Variants in ZNF724 observed in about 807,000 individuals in gnomAD.
ZNF724 encodes zinc finger protein 724 pseudogene.
Under a neutral mutation model 29.3 loss-of-function variants are expected in ZNF724, and 14 were observed. The observed-to-expected ratio is 0.48, with a 90% confidence interval of 0.32 to 0.75. The LOEUF is 0.75. Ranked by LOEUF, ZNF724 falls within the 30% of genes least tolerant of loss-of-function variation. The pLI, the probability that ZNF724 is intolerant of heterozygous loss-of-function variation, is 0.04. For missense variants in ZNF724, 557 were observed against 571.2 expected (o/e 0.98, Z 0.25); for synonymous variants, 180 against 193.6 (o/e 0.93, Z 0.58).
At chr19:23,250,205 CCTCT>C (rs1263864717) in intron 1 of ZNF724, 31 bp downstream of exon 1, 21 of 600,324 alleles carry the variant, frequency 3.5e-5, no homozygotes, top group Non-Finnish European at 6.0e-5. Context: ...CCAGCCCCTC[CCTCT>C]CTCTCCGGAT....
chr19:23,240,473 C>T (rs1008130115), intron 1 of ZNF724, among the ~76,000 whole-genome samples: 5 of 151,972 alleles, frequency 3.3e-5, no homozygotes, highest in Non-Finnish European at 7.4e-5. Context: ...TTATTCTGGA[C>T]TGAGCTTGTG....
At chr19:23,233,930 C>T (rs1380495221) in intron 1 of ZNF724, among the ~76,000 whole-genome samples, 1 of 152,174 alleles carries the variant, frequency 6.6e-6, no homozygotes, top group Non-Finnish European at 1.5e-5. Context: ...ACCACACCCA[C>T]AGGCAGAAGG....
chr19:23,250,394 C>A lies in ZNF724; in HGVS notation c.-152G>T. On this transcript the variant is annotated 5_prime_UTR_variant, in exon 1 of 4. Coordinates refer to ENST00000418100, the MANE Select transcript of ZNF724 (RefSeq NM_001355404.2). ...CTCCAGCTGCAGCGAGAGACAAAGG[C>A]CCCGCCAAATCCCGGAAGCCGCCCT... 4.5e-6 allele frequency: 2 copies of A among 441,708 alleles called. No individual in the cohort carries two copies. The highest frequency in any genetic ancestry group is 3.5e-5 in the South Asian group (2 of 57,062). The allele number at this position is 441,708 out of a possible 1,614,324, so 27.4% of individuals were successfully genotyped here.
intron 1 of ZNF724, among the ~76,000 whole-genome samples, chr19:23,243,100 G>T (rs1972163694): frequency 6.7e-6 from 1 of 150,248 alleles, no homozygotes; most frequent in African/African-American, 2.4e-5. Flanking sequence ...AAATATCATG[G>T]AATACTGTAT....
chr19:23,247,404 TAA>T (rs1708633023), intron 1 of ZNF724, among the ~76,000 whole-genome samples: 1 of 151,802 alleles, frequency 6.6e-6, no homozygotes, highest in Admixed American at 6.6e-5. Flanking sequence ...ATTTACAGTT[TAA>T]AAGAGTCAAT....
chr19:23,224,000 G>A lies in ZNF724; in HGVS notation c.245C>T (p.Ala82Val), dbSNP rs192538905. ...AKPPGMCCYF[A>V]QDLRPEQSIK... ...GCTCTGCTCTGGCCGAAGGTCTTGG[G>A]CAAAATAACAACACATACCTGAAAG... Residue 82 changes from alanine to valine, a missense_variant, in exon 4 of 4, where the codon GCC becomes GTC. Ala to Val is a moderately conservative substitution (Grantham distance 64, BLOSUM62 0). Transcript: ENST00000418100. The A allele has an allele frequency of 7.7e-5, 51 of 660,966 alleles. No individual in the cohort carries two copies. In the East Asian group the frequency reaches 1.2e-3, roughly 15 times the overall value. 40.9% of individuals were successfully genotyped at this position (660,966 alleles called of 1,614,324 possible). A position where few individuals can be genotyped will look rare whatever the true frequency, so the allele number is the denominator to read the frequency against.
chr19:23,246,771 A>G (rs1027919037), intron 1 of ZNF724, among the ~76,000 whole-genome samples: 1 of 152,220 alleles, frequency 6.6e-6, no homozygotes, highest in Non-Finnish European at 1.5e-5. Context: ...TGTTTTTATC[A>G]ATCTATGTAA....
intron 1 of ZNF724, among the ~76,000 whole-genome samples, chr19:23,245,074 G>A (rs1369896751): frequency 4.6e-5 from 7 of 152,100 alleles, no homozygotes; most frequent in African/African-American, 1.4e-4. Context: ...ACAGTTTATG[G>A]AAAGAAACAC....
chr19:23,240,651 C>T (rs1406670046), intron 1 of ZNF724, among the ~76,000 whole-genome samples: 2 of 147,024 alleles, frequency 1.4e-5, no homozygotes, highest in African/African-American at 2.5e-5. Flanking sequence ...ACCAGGAAGG[C>T]GAAGGTTGCG....
chr19:23,222,587 TTA>T lies in ZNF724; in HGVS notation c.1656_1657del (p.His552GlnfsTer13), dbSNP rs763577576. On this transcript the variant is annotated frameshift_variant, in exon 4 of 4. Transcript: ENST00000418100. LOFTEE classifies it high-confidence loss of function. ...GGGTTTCTCTCCAGTATGAATTATCTTATGTTGAGTAAGGTTTGAGTATTGGT... is the reference window on the plus strand; with the variant it reads ...GGGTTTCTCTCCAGTATGAATTATCTTGTTGAGTAAGGTTTGAGTATTGGT... The T allele has an allele frequency of 2.1e-5, 29 of 1,382,658 alleles. No individual in the cohort carries two copies. The highest frequency in any genetic ancestry group is 2.8e-5 in the Non-Finnish European group (27 of 971,492). 85.6% of individuals were successfully genotyped at this position (1,382,658 alleles called of 1,614,324 possible). A position where few individuals can be genotyped will look rare whatever the true frequency, so the allele number is the denominator to read the frequency against.
At chr19:23,249,307 G>T (rs746371802) in intron 1 of ZNF724, among the ~76,000 whole-genome samples, 7 of 146,808 alleles carry the variant, frequency 4.8e-5, no homozygotes, top group East Asian at 2.1e-4. Context: ...GCAGTGGCGC[G>T]ATCTTGGCTC....
At position 23,223,262 on chromosome 19, in the gene ZNF724, T is replaced by C. The variant is rs1971757291; in HGVS notation, c.983A>G (p.His328Arg). 6 of 856,384 alleles carry C rather than the reference T, an allele frequency of 7.0e-6. No homozygotes were observed. In the East Asian group the frequency reaches 9.8e-5, roughly 14 times the overall value. The allele number at this position is 856,384 out of a possible 1,614,324, so 53.0% of individuals were successfully genotyped here. The stretch of plus-strand genomic sequence containing the variant: ...TTTATCACCAGTATGAATTCTCTTA[T>C]GTTTAGTAAGGTTCGAGGATTGGTT... ...AFNQSSNLTK[H>R]KRIHTGDKPY... Residue 328 changes from histidine to arginine, a missense_variant, in exon 4 of 4, where the codon CAT (histidine) becomes CGT (arginine). By Grantham distance (29) the His-to-Arg change is conservative. Transcript: ENST00000418100.
chr19:23,226,218 G>T (rs1971823664), intron 3 of ZNF724, among the ~76,000 whole-genome samples: 1 of 151,906 alleles, frequency 6.6e-6, no homozygotes, highest in African/African-American at 2.4e-5. Flanking sequence ...TGCCAGGCTA[G>T]TTTTTTGTAT....
intron 1 of ZNF724, among the ~76,000 whole-genome samples, chr19:23,246,423 G>T (rs147742044): frequency 6.6e-6 from 1 of 152,104 alleles, no homozygotes; most frequent in Non-Finnish European, 1.5e-5. Context: ...TTGGGAGGCC[G>T]AGGCGGGCAG....
chr19:23,246,422 C>T (rs556786308), intron 1 of ZNF724, among the ~76,000 whole-genome samples: 1 of 152,144 alleles, frequency 6.6e-6, no homozygotes, highest in African/African-American at 2.4e-5. Flanking sequence ...TTTGGGAGGC[C>T]GAGGCGGGCA....
In ZNF724 at chr19:23,222,036, G is replaced by T; in HGVS notation, c.*349C>A. ...GAATAAGATGTGAACAGATATTAAT[G>T]GCTTCTTCACATTCTTTACATTTGC... On this transcript the variant is annotated 3_prime_UTR_variant, in exon 4 of 4. Transcript: ENST00000418100. 1 of 227,318 alleles carries T rather than the reference G, an allele frequency of 4.4e-6. No homozygotes were observed. Among genetic ancestry groups the T allele is most frequent in the African/African-American group, 2.3e-5 (1 of 43,676 alleles). The allele number at this position is 227,318 out of a possible 1,614,324, so 14.1% of individuals were successfully genotyped here. A position where few individuals can be genotyped will look rare whatever the true frequency, so the allele number is the denominator to read the frequency against.
At chr19:23,228,909 A>G (rs1304798035) in intron 3 of ZNF724, among the ~76,000 whole-genome samples, 1 of 151,502 alleles carries the variant, frequency 6.6e-6, no homozygotes, top group African/African-American at 2.4e-5. Flanking sequence ...AAAAAAAAAA[A>G]AAAAATTTTC....
At chr19:23,246,985 G>A (rs899610335) in intron 1 of ZNF724, among the ~76,000 whole-genome samples, 9 of 152,184 alleles carry the variant, frequency 5.9e-5, no homozygotes, top group Non-Finnish European at 1.2e-4. Context: ...CACTTTGGGA[G>A]GCCGAGGTGG....
At chr19:23,246,965 G>A (rs868041225) in intron 1 of ZNF724, among the ~76,000 whole-genome samples, 3 of 152,196 alleles carry the variant, frequency 2.0e-5, no homozygotes, top group African/African-American at 7.2e-5. Context: ...ACTCACGCCT[G>A]TAATCCCAGC....
Sources: allele counts gnomAD v4.1 joint callset (sites outside exome capture counted in the v4.1 genomes callset), GRCh38; gene constraint gnomAD v4.1.1; transcripts MANE v1.5; gene names NCBI Gene and HGNC (gene_info 2026-07-23, HGNC 2026-07-21).